SPAST: variants seen among roughly 807,000 people sequenced by gnomAD.
The protein encoded by SPAST is spastin.
A neutral mutation model predicts 76.6 loss-of-function variants in SPAST; 30 were observed. The ratio of observed to expected loss-of-function variants is 0.39; its 90% confidence interval spans 0.29 to 0.53. The LOEUF (loss-of-function observed/expected upper bound fraction) is 0.53. Ranked by LOEUF, SPAST falls within the 20% of genes least tolerant of loss-of-function variation. The probability of loss-of-function intolerance (pLI) is 0.68; values close to 1 mark genes in which losing one functional copy is unlikely to be tolerated. For missense variants in SPAST, 717 were observed against 770.5 expected, an observed-to-expected ratio of 0.93 and a Z score of 0.82; for synonymous variants, 305 against 281.0, an observed-to-expected ratio of 1.09 and a Z score of -0.86.
At chr2:32,124,678 T>C (rs1187054835) in intron 7 of SPAST, among the ~76,000 whole-genome samples, 2 of 152,140 alleles carry the variant, frequency 1.3e-5, no homozygotes, top group African/African-American at 2.4e-5. Flanking sequence ...AAACAGACTT[T>C]GGTATATCAT....
At chr2:32,115,395 CTT>C (rs2148733714) in intron 5 of SPAST, among the ~76,000 whole-genome samples, 1 of 152,132 alleles carries the variant, frequency 6.6e-6, no homozygotes. Flanking sequence ...TTATTTCAAT[CTT>C]TGTAAATGTT....
At chr2:32,132,256 T>C (rs1378618792) in intron 9 of SPAST, among the ~76,000 whole-genome samples, 1 of 152,112 alleles carries the variant, frequency 6.6e-6, no homozygotes, top group South Asian at 2.1e-4. Context: ...TCGGGCGTGG[T>C]GGCGTGTGCC....
Position 32,083,748 on chromosome 2 carries a change from TAC to T in SPAST, c.416-3743_416-3742del, listed in dbSNP as rs1558620079. Among the ~76,000 whole-genome samples the T allele has an allele frequency of 4.0e-4, 23 of 57,830 alleles. 1 individual carries two copies. The highest frequency in any genetic ancestry group is 1.3e-3 in the African/African-American group (19 of 15,112). 37.9% of individuals were successfully genotyped at this position (57,830 alleles called of 152,430 possible). On this transcript the variant is annotated intron_variant, in intron 1 of 16. Transcript: ENST00000315285. ...TATATATACTATATATATTTATATATACTATATATATATATATATATATATAT... is the reference window on the plus strand; with the variant it reads ...TATATATACTATATATATTTATATATTATATATATATATATATATATATAT...
intron 13 of SPAST, 28 bp downstream of exon 13, chr2:32,141,974 GT>G: frequency 6.4e-7 from 1 of 1,573,498 alleles, no homozygotes; most frequent in Non-Finnish European, 8.7e-7. Context: ...AATTTTTTTT[GT>G]TTTAGAGCAG....
chr2:32,078,866 T>C (rs1401934994), intron 1 of SPAST, among the ~76,000 whole-genome samples: 2 of 152,180 alleles, frequency 1.3e-5, no homozygotes, highest in Non-Finnish European at 2.9e-5. Context: ...CTTCCTTGTG[T>C]TTTTTCAGTT....
In SPAST at chr2:32,090,666, G is replaced by A. The variant is rs576671000; in HGVS notation, c.586+1061G>A. 7.8e-4 allele frequency among the ~76,000 whole-genome samples: 119 copies of A among 152,178 alleles called. 1 individual carries two copies. Among genetic ancestry groups the A allele is most frequent in the African/African-American group, 2.6e-3 (109 of 41,522 alleles). ...ATCCGTATGTCTCTTTTAATGTACA[G>A]GTTCATCTGTTTTTCATTTTCTTCC... On this transcript the variant is annotated intron_variant, in intron 3 of 16. Coordinates refer to ENST00000315285, the MANE Select transcript of SPAST (RefSeq NM_014946.4).
At chr2:32,071,868 C>G (rs536730955) in intron 1 of SPAST, among the ~76,000 whole-genome samples, 2 of 152,078 alleles carry the variant, frequency 1.3e-5, no homozygotes, top group Non-Finnish European at 2.9e-5. Context: ...TCTTATGAGA[C>G]TTTAAAAGGT....
intron 3 of SPAST, among the ~76,000 whole-genome samples, chr2:32,093,807 G>A (rs572208032): frequency 3.3e-5 from 5 of 151,784 alleles, no homozygotes; most frequent in Admixed American, 6.6e-5. Flanking sequence ...GTTAAATGAA[G>A]CTATCTTAAA....
chr2:32,119,516 A>G (rs543174320), intron 7 of SPAST, among the ~76,000 whole-genome samples: 3 of 152,296 alleles, frequency 2.0e-5, no homozygotes, highest in African/African-American at 7.2e-5. Flanking sequence ...TACTCACTTG[A>G]GGTAGATTGT....
At chr2:32,075,656 T>G (rs1200850848) in intron 1 of SPAST, among the ~76,000 whole-genome samples, 2 of 144,964 alleles carry the variant, frequency 1.4e-5, no homozygotes, top group East Asian at 4.4e-4. Context: ...TTCAAGCAAT[T>G]CTCCTGCCTC....
chr2:32,139,307 T>C (rs1222599683), intron 12 of SPAST, among the ~76,000 whole-genome samples: 2 of 152,116 alleles, frequency 1.3e-5, no homozygotes, highest in East Asian at 3.8e-4. Context: ...GGCATCCAAA[T>C]AGGAAAAGAA....
In SPAST at chr2:32,075,859, C is replaced by CTTTTTTTTT. The variant is rs56708982; in HGVS notation, c.415+11621_416-11617dup. Among the ~76,000 whole-genome samples, 30 of 82,388 alleles carry CTTTTTTTTT rather than the reference C, an allele frequency of 3.6e-4. No homozygotes were observed. The East Asian group carries it at 8.6e-3, about 24-fold the overall frequency. 54.0% of individuals were successfully genotyped at this position (82,388 alleles called of 152,430 possible). ...GTGAGCCCTGCTCCCAGACTCCTGG[C>CTTTTTTTTT]TTTTTTTTTTTTTTTTAATGAAAAA... On this transcript the variant is annotated intron_variant, in intron 1 of 16. Coordinates refer to ENST00000315285, the MANE Select transcript of SPAST (RefSeq NM_014946.4).
Position 32,154,253 on chromosome 2 carries a change from C to A in SPAST, c.1729-121C>A, listed in dbSNP as rs568128506. The A allele has an allele frequency of 1.2e-5, 10 of 816,094 alleles. No homozygotes were observed. In the South Asian group the frequency reaches 1.6e-4, roughly 13 times the overall value. The allele number at this position is 816,094 out of a possible 1,614,324, so 50.6% of individuals were successfully genotyped here. ...TGGCTGACATAATTTTCTAAGAATA[C>A]ATACACGTATATTTTTTATAACATT... On this transcript the variant is annotated intron_variant, in intron 16 of 16. Coordinates refer to ENST00000315285, the MANE Select transcript of SPAST (RefSeq NM_014946.4).
At chr2:32,088,308 C>T (rs1004689250) in intron 2 of SPAST, among the ~76,000 whole-genome samples, 2 of 148,234 alleles carry the variant, frequency 1.3e-5, no homozygotes, top group African/African-American at 4.9e-5. Flanking sequence ...TGTGGGATTA[C>T]AGGCATGAGC....
At chr2:32,093,057 T>G (rs1677783726) in intron 3 of SPAST, among the ~76,000 whole-genome samples, 1 of 146,688 alleles carries the variant, frequency 6.8e-6, no homozygotes, top group East Asian at 2.0e-4. Context: ...ATCCTAGCAC[T>G]TTGGGAGACT....
intron 7 of SPAST, among the ~76,000 whole-genome samples, chr2:32,118,460 G>A (rs1279340962): frequency 2.6e-5 from 4 of 152,146 alleles, no homozygotes; most frequent in African/African-American, 7.2e-5. Context: ...CTGGATTTAT[G>A]TCATGTACCA....
At position 32,157,339 on chromosome 2, in the gene SPAST, T is replaced by A. The variant is rs1264862700; in HGVS notation, c.*2843T>A. On this transcript the variant is annotated 3_prime_UTR_variant, in exon 17 of 17. Coordinates refer to ENST00000315285, the MANE Select transcript of SPAST (RefSeq NM_014946.4). The stretch of plus-strand genomic sequence containing the variant: ...ATTAGATTTCTGACTTGCAAATATG[T>A]TTGTACTCCAGAAGAATTAGAGGAA... The A allele has an allele frequency of 6.6e-6, 1 of 152,650 alleles. No homozygotes were observed. The highest frequency in any genetic ancestry group is 1.5e-5 in the Non-Finnish European group (1 of 68,028). 9.5% of individuals were successfully genotyped at this position (152,650 alleles called of 1,614,324 possible).
chr2:32,113,849 G>A lies in SPAST; in HGVS notation c.683-789G>A, dbSNP rs536473041. ...CCCAAAGTGCTGGGATTACAGGTGT[G>A]AGCCATCGCGCCCGGCGCTTCATAA... On this transcript the variant is annotated intron_variant, in intron 4 of 16. Coordinates refer to ENST00000315285, the MANE Select transcript of SPAST (RefSeq NM_014946.4). Among the ~76,000 whole-genome samples the A allele has an allele frequency of 1.2e-3, 180 of 152,100 alleles. 1 individual carries two copies. The highest frequency in any genetic ancestry group is 6.8e-3 in the Middle Eastern group (2 of 294).
chr2:32,110,738 G>A (rs111206654), intron 4 of SPAST, among the ~76,000 whole-genome samples: 55,739 of 127,708 alleles, frequency 0.44, 12,056 homozygotes, highest in East Asian at 0.65. Context: ...ATAGTACACT[G>A]TATAGTATAT....
Sources: gnomAD v4.1 joint callset for allele counts (sites outside exome capture counted in the v4.1 genomes callset) on GRCh38, gnomAD v4.1.1 for gene constraint, MANE v1.5 for transcripts, NCBI Gene and HGNC (gene_info 2026-07-23, HGNC 2026-07-21) for gene names.